PUDP: variants seen among roughly 807,000 people sequenced by gnomAD.
The protein encoded by PUDP is pseudouridine-5'-phosphatase.
A neutral mutation model predicts 9.4 loss-of-function variants in PUDP; 8 were observed. The ratio of observed to expected loss-of-function variants is 0.85; its 90% CI spans 0.50 to 1.53. The LOEUF (loss-of-function observed/expected upper bound fraction) is 1.53, where lower values mean the gene tolerates loss of function less well. Among genes scored for constraint, PUDP ranks in the 40% most tolerant of loss-of-function variants. The probability of loss-of-function intolerance (pLI) is 0.00; values close to 1 mark genes in which losing one functional copy is unlikely to be tolerated. For synonymous variants in PUDP, 99 were observed against 80.7 expected, an observed-to-expected ratio of 1.23 and a Z score of -1.22; for missense variants, 188 against 189.7, an observed-to-expected ratio of 0.99 and a Z score of 0.05.
At chrX:7,069,226 G>C (rs992785594) in intron 3 of PUDP, among the ~76,000 whole-genome samples, 1 of 111,448 alleles carries the variant, frequency 9.0e-6, no homozygotes, top group Non-Finnish European at 1.9e-5. Flanking sequence ...CAGCAGTCAG[G>C]AGCGGCAGAT....
chrX:6,903,313 C>CT (rs1927717911), intron 3 of PUDP, among the ~76,000 whole-genome samples: 1 of 111,617 alleles, frequency 9.0e-6, no homozygotes, highest in African/African-American at 3.3e-5. Context: ...TTGCTTTACT[C>CT]TTTTTTCACT....
At chrX:7,111,657 TATAAA>T (rs1461288551) in intron 1 of PUDP, among the ~76,000 whole-genome samples, 3 of 111,422 alleles carry the variant, frequency 2.7e-5, no homozygotes, top group Non-Finnish European at 5.7e-5. Context: ...GTAAAGCACC[TATAAA>T]ATGAGGATCC....
chrX:6,966,967 C>G (rs1443164282), intron 3 of PUDP, among the ~76,000 whole-genome samples: 1 of 111,863 alleles, frequency 8.9e-6, no homozygotes, highest in Admixed American at 9.5e-5. Context: ...GAAGCTGATT[C>G]CCGGTTGGAG....
At chrX:6,795,984 A>T (rs1327206029) in intron 3 of PUDP, among the ~76,000 whole-genome samples, 2 of 112,085 alleles carry the variant, frequency 1.8e-5, no homozygotes, top group African/African-American at 3.2e-5. Context: ...TTTCACTGCG[A>T]GTTTAGAGCT....
chrX:7,069,357 G>C (rs942694363), intron 3 of PUDP, among the ~76,000 whole-genome samples: 1 of 111,497 alleles, frequency 9.0e-6, no homozygotes. Context: ...TCATCTGGGA[G>C]AGCAAGATGC....
chrX:6,733,770 C>CTTTGTT (rs1924840152), intron 3 of PUDP, among the ~76,000 whole-genome samples: 1 of 46,264 alleles, frequency 2.2e-5, no homozygotes, highest in Non-Finnish European at 3.4e-5. Flanking sequence ...AAAGCAAAGC[C>CTTTGTT]TTTTTTTTTT....
intron 3 of PUDP, among the ~76,000 whole-genome samples, chrX:7,056,313 C>A (rs1325449210): frequency 9.0e-6 from 1 of 111,627 alleles, no homozygotes; most frequent in African/African-American, 3.3e-5. Context: ...TCTAGCAGGG[C>A]TCCTGCACCT....
chrX:6,918,025 C>T (rs1039519328), intron 3 of PUDP, among the ~76,000 whole-genome samples: 11 of 112,138 alleles, frequency 9.8e-5, no homozygotes, highest in Non-Finnish European at 1.7e-4. Flanking sequence ...AAGACATGTG[C>T]CATCTCACCT....
At chrX:6,956,317 C>A (rs1375283964) in intron 3 of PUDP, among the ~76,000 whole-genome samples, 5 of 111,212 alleles carry the variant, frequency 4.5e-5, no homozygotes, top group Non-Finnish European at 9.4e-5. Context: ...AGCCACCACG[C>A]CCGGCCACTA....
intron 3 of PUDP, among the ~76,000 whole-genome samples, chrX:6,752,577 G>C (rs930871879): frequency 8.9e-6 from 1 of 111,903 alleles, no homozygotes; most frequent in African/African-American, 3.2e-5. Flanking sequence ...ATGAAGTAAA[G>C]GTGGCACTAA....
intron 3 of PUDP, among the ~76,000 whole-genome samples, chrX:6,728,093 GGC>G (rs1458348778): frequency 4.8e-4 from 53 of 111,422 alleles, no homozygotes; most frequent in Admixed American, 3.4e-3. Context: ...CATGGCAGAA[GGC>G]AAAAGGCATG....
chrX:6,977,661 T>A (rs1419163266), intron 2 of PUDP, among the ~76,000 whole-genome samples: 2 of 111,926 alleles, frequency 1.8e-5, no homozygotes, highest in African/African-American at 6.5e-5. Context: ...TCTGCTTAGG[T>A]CTCCATGTGT....
chrX:6,816,424 A>T (rs1333530589), intron 3 of PUDP, among the ~76,000 whole-genome samples: 1 of 103,729 alleles, frequency 9.6e-6, no homozygotes, highest in Admixed American at 1.1e-4. Flanking sequence ...CACTATACTA[A>T]TGTACTGTAC....
intron 2 of PUDP, among the ~76,000 whole-genome samples, chrX:7,100,215 T>A (rs1931693218): frequency 9.8e-6 from 1 of 101,609 alleles, no homozygotes; most frequent in Admixed American, 1.0e-4. Flanking sequence ...GGTAGTCATG[T>A]CCCTGCAGCA....
At chrX:7,134,638 T>C (rs1932698013) in intron 1 of PUDP, among the ~76,000 whole-genome samples, 1 of 112,181 alleles carries the variant, frequency 8.9e-6, no homozygotes, top group East Asian at 2.8e-4. Flanking sequence ...CCTTTATGTC[T>C]ACAGGTATTG....
chrX:6,862,746 A>G (rs752529325), intron 3 of PUDP, among the ~76,000 whole-genome samples: 11 of 111,746 alleles, frequency 9.8e-5, no homozygotes, highest in Non-Finnish European at 1.9e-4. Flanking sequence ...GGTCCTTTCC[A>G]TGATTACATC....
chrX:7,034,916 G>T (rs1309811556), intron 1 of PUDP, among the ~76,000 whole-genome samples: 1 of 112,172 alleles, frequency 8.9e-6, no homozygotes, highest in African/African-American at 3.2e-5. Flanking sequence ...TTCAAAGAGA[G>T]TTATTTTTAA....
chrX:7,072,825 A>C (rs978176250), intron 3 of PUDP, among the ~76,000 whole-genome samples: 8 of 109,705 alleles, frequency 7.3e-5, no homozygotes, highest in Non-Finnish European at 1.3e-4. Flanking sequence ...AAAAAAAAAA[A>C]AAAAAACAAA....
chrX:7,030,635 C>T (rs1048656912), intron 1 of PUDP, among the ~76,000 whole-genome samples: 49 of 111,519 alleles, frequency 4.4e-4, no homozygotes, highest in African/African-American at 1.6e-3. Flanking sequence ...GGCTCTGGCA[C>T]ACACTGACAA....
Sources: gnomAD v4.1 joint callset for allele counts (sites outside exome capture counted in the v4.1 genomes callset) on GRCh38, gnomAD v4.1.1 for gene constraint, MANE v1.5 for transcripts, NCBI Gene and HGNC (gene_info 2026-07-23, HGNC 2026-07-21) for gene names.